Variants in PXDN observed in about 807,000 individuals in gnomAD.
The protein encoded by PXDN is peroxidasin.
A neutral mutation model predicts 140.3 loss-of-function variants in PXDN; 77 were observed. The observed-to-expected ratio is 0.55, with a 90% CI of 0.46 to 0.66. The LOEUF (loss-of-function observed/expected upper bound fraction) is 0.66, where lower values mean the gene tolerates loss of function less well. PXDN is among the 30% of genes least tolerant of loss of function. The pLI, the probability that PXDN is intolerant of heterozygous loss-of-function variation, is 0.00. For missense variants in PXDN, 1,838 were observed against 2,039.5 expected, an observed-to-expected ratio of 0.90 and a Z score of 1.90; for synonymous variants, 911 against 857.4, an observed-to-expected ratio of 1.06 and a Z score of -1.09.
At chr2:1,711,719 G>C (rs2125470882) in intron 1 of PXDN, among the ~76,000 whole-genome samples, 1 of 152,272 alleles carries the variant, frequency 6.6e-6, no homozygotes, top group East Asian at 1.9e-4. Context: ...CCACCTGCAG[G>C]ATCCACTGGG....
intron 1 of PXDN, among the ~76,000 whole-genome samples, chr2:1,703,016 G>GC (rs1684476166): frequency 9.8e-6 from 1 of 101,850 alleles, no homozygotes; most frequent in Non-Finnish European, 2.0e-5. Flanking sequence ...GTGAAGGGGG[G>GC]ACAGCTCCAG....
At chr2:1,686,787 T>A (rs562611450) in intron 4 of PXDN, among the ~76,000 whole-genome samples, 1 of 152,314 alleles carries the variant, frequency 6.6e-6, no homozygotes, top group East Asian at 1.9e-4. Context: ...GTCTCCCCCC[T>A]GCACCGCTTG....
intron 1 of PXDN, among the ~76,000 whole-genome samples, chr2:1,694,412 A>G (rs568531143): frequency 6.6e-6 from 1 of 152,368 alleles, no homozygotes; most frequent in Admixed American, 6.5e-5. Context: ...TGACAGCAAC[A>G]GCATCCAGCC....
intron 1 of PXDN, among the ~76,000 whole-genome samples, chr2:1,729,853 A>T (rs1303985740): frequency 6.6e-6 from 1 of 152,242 alleles, no homozygotes; most frequent in African/African-American, 2.4e-5. Flanking sequence ...CATAATAAAA[A>T]TTCTGTTAGG....
intron 1 of PXDN, among the ~76,000 whole-genome samples, chr2:1,743,650 GGGA>G (rs1685602991): frequency 6.9e-6 from 1 of 144,576 alleles, no homozygotes; most frequent in Non-Finnish European, 1.5e-5. Context: ...AAGGAAGGGG[GGGA>G]GGAGGAGGGG....
intron 1 of PXDN, among the ~76,000 whole-genome samples, chr2:1,728,302 G>A (rs1269400898): frequency 6.6e-6 from 1 of 152,246 alleles, no homozygotes; most frequent in African/African-American, 2.4e-5. Context: ...GGTTTCGCTT[G>A]AGGCGGTCAC....
chr2:1,694,902 G>A (rs1477723733), intron 1 of PXDN, among the ~76,000 whole-genome samples: 3 of 152,306 alleles, frequency 2.0e-5, no homozygotes, highest in East Asian at 3.9e-4. Flanking sequence ...AGAAGCTCCC[G>A]TACCTGAGAC....
chr2:1,737,975 T>G (rs1441442769), intron 1 of PXDN, among the ~76,000 whole-genome samples: 1 of 152,240 alleles, frequency 6.6e-6, no homozygotes. Context: ...CTAACATATG[T>G]GTGCTAAGTC....
At chr2:1,645,608 C>T (rs961060219) in intron 17 of PXDN, among the ~76,000 whole-genome samples, 2 of 152,192 alleles carry the variant, frequency 1.3e-5, no homozygotes, top group Non-Finnish European at 2.9e-5. Flanking sequence ...GTAGAATAAA[C>T]ACAATTTTAT....
At chr2:1,716,229 G>A (rs1684890503) in intron 1 of PXDN, among the ~76,000 whole-genome samples, 1 of 152,082 alleles carries the variant, frequency 6.6e-6, no homozygotes, top group Non-Finnish European at 1.5e-5. Flanking sequence ...CCTGAGGTCA[G>A]GAGTTTGAAA....
chr2:1,698,427 G>A (rs931831576), intron 1 of PXDN, among the ~76,000 whole-genome samples: 2 of 152,082 alleles, frequency 1.3e-5, no homozygotes, highest in Non-Finnish European at 2.9e-5. Context: ...GAGTAACAAA[G>A]GCACGTCCTG....
chr2:1,698,544 C>G (rs1198322495), intron 1 of PXDN, among the ~76,000 whole-genome samples: 1 of 152,124 alleles, frequency 6.6e-6, no homozygotes, highest in African/African-American at 2.4e-5. Flanking sequence ...CTGGACAAAT[C>G]GGAATTTAGA....
chr2:1,634,424 C>A, intron 22 of PXDN, 101 bp from the exon 23 acceptor site: 1 of 1,429,050 alleles, frequency 7.0e-7, no homozygotes, highest in South Asian at 1.4e-5. Context: ...GGCCATGAGT[C>A]AGGCCTTGCC....
Position 1,655,358 on chromosome 2 carries a change from T to C in PXDN, c.1838-850A>G, listed in dbSNP as rs371465302. 2.0e-5 allele frequency among the ~76,000 whole-genome samples: 3 copies of C among 148,266 alleles called. No homozygotes were observed. In the East Asian group the frequency reaches 6.0e-4, roughly 30 times the overall value. ...TACCACACACACACCACACATATAGTACATTATACACACACAAATCACATT... is the reference window on the plus strand; with the variant it reads ...TACCACACACACACCACACATATAGCACATTATACACACACAAATCACATT... On this transcript the variant is annotated intron_variant, in intron 14 of 22. Coordinates refer to ENST00000252804, the MANE Select transcript of PXDN (RefSeq NM_012293.3).
At chr2:1,674,493 C>T (rs1683650546) in intron 8 of PXDN, among the ~76,000 whole-genome samples, 1 of 152,232 alleles carries the variant, frequency 6.6e-6, no homozygotes, top group Non-Finnish European at 1.5e-5. Context: ...CTTTGCATGG[C>T]TTGGCCAGTC....
At chr2:1,718,369 T>C (rs1412626608) in intron 1 of PXDN, among the ~76,000 whole-genome samples, 2 of 151,968 alleles carry the variant, frequency 1.3e-5, no homozygotes, top group East Asian at 3.9e-4. Context: ...TAACCTACTC[T>C]ACTAACTTAC....
In PXDN at chr2:1,651,878, G is replaced by C. The variant is rs947120807; in HGVS notation, c.2104+1750C>G. Among the ~76,000 whole-genome samples, 5 of 152,204 alleles carry C rather than the reference G, an allele frequency of 3.3e-5. No individual in the cohort carries two copies. Among genetic ancestry groups the C allele is most frequent in the African/African-American group, 4.8e-5 (2 of 41,456 alleles). Reference sequence around the variant, plus strand: ...CTGGAAGGTCTGATCTTTGAGGGCAGAGGTTTTTATTTCTTCCGTTTGTGA... The same window carrying C: ...CTGGAAGGTCTGATCTTTGAGGGCACAGGTTTTTATTTCTTCCGTTTGTGA... On this transcript the variant is annotated intron_variant, in intron 16 of 22. Coordinates refer to ENST00000252804, the MANE Select transcript of PXDN (RefSeq NM_012293.3). The surrounding 1 kb of genome is among the most constrained non-coding windows in gnomAD (Gnocchi z 4.4).
At chr2:1,702,478 T>C (rs745599905) in intron 1 of PXDN, among the ~76,000 whole-genome samples, 2 of 152,232 alleles carry the variant, frequency 1.3e-5, no homozygotes, top group African/African-American at 4.8e-5. Flanking sequence ...CCCAGTGACA[T>C]GTGTGAACCC....
intron 1 of PXDN, among the ~76,000 whole-genome samples, chr2:1,698,573 A>T (rs1299698688): frequency 6.6e-6 from 1 of 152,218 alleles, no homozygotes; most frequent in Non-Finnish European, 1.5e-5. Context: ...AAGATCAGGT[A>T]ATTTGTCTAA....
Sources: gnomAD v4.1 joint callset for allele counts (sites outside exome capture counted in the v4.1 genomes callset) on GRCh38, gnomAD v4.1.1 for gene constraint, Gnocchi (gnomAD v3.1) non-coding constraint, MANE v1.5 for transcripts, NCBI Gene and HGNC (gene_info 2026-07-23, HGNC 2026-07-21) for gene names.